The following RBFOX1 variants were observed in gnomAD, a reference collection of about 807,000 sequenced individuals.
The protein encoded by RBFOX1 is RNA binding protein fox-1 homolog 1.
A neutral mutation model predicts 57.7 loss-of-function variants in RBFOX1; 8 were observed. The observed-to-expected ratio is 0.14, with a 90% CI of 0.08 to 0.25. The LOEUF (loss-of-function observed/expected upper bound fraction) is 0.25, where lower values mean the gene tolerates loss of function less well. RBFOX1 is among the 10% of genes least tolerant of loss of function. The pLI is 1.00. For missense variants in RBFOX1, 611 were observed against 548.5 expected, an observed-to-expected ratio of 1.11 and a Z score of -1.14; for synonymous variants, 326 against 222.4, an observed-to-expected ratio of 1.47 and a Z score of -4.15.
At chr16:7,030,666 A>C (rs2042560528) in intron 3 of RBFOX1, among the ~76,000 whole-genome samples, 1 of 152,022 alleles carries the variant, frequency 6.6e-6, no homozygotes, top group Non-Finnish European at 1.5e-5. Context: ...CTTGATCCTT[A>C]CCTTATTTAC....
intron 4 of RBFOX1, among the ~76,000 whole-genome samples, chr16:7,370,067 C>T (rs1596644486): frequency 1.3e-5 from 2 of 152,194 alleles, no homozygotes; most frequent in East Asian, 3.9e-4. Flanking sequence ...TCAAGCTTGG[C>T]ACTATGACTA....
At chr16:6,139,970 G>C (rs758815255) in intron 1 of RBFOX1, among the ~76,000 whole-genome samples, 1 of 152,154 alleles carries the variant, frequency 6.6e-6, no homozygotes, top group Non-Finnish European at 1.5e-5. Context: ...GGAAGGAACT[G>C]CTCCTCTCAA....
In RBFOX1 at chr16:7,630,677, T is replaced by G; in HGVS notation, c.751T>G (p.Ser251Ala). 7 of 1,614,182 alleles carry G rather than the reference T, an allele frequency of 4.3e-6. No individual in the cohort carries two copies. Among genetic ancestry groups the G allele is most frequent in the Non-Finnish European group, 5.9e-6 (7 of 1,180,034 alleles). ...TGCCCCCAGTTCACTTGTATATACT[T>G]CTGCAAGTAAGCCCACTGTCGTGGC... ...YSAPSSLVYT[S>A]AMPGFPYPAA... The change falls in exon 11 of 16, where the codon TCT becomes GCT. Residue 251 changes from serine (S) to alanine (A), a missense_variant. Coordinates refer to ENST00000550418, the MANE Select transcript of RBFOX1 (RefSeq NM_018723.4).
intron 2 of RBFOX1, among the ~76,000 whole-genome samples, chr16:6,441,776 G>A (rs986911385): frequency 2.0e-5 from 3 of 152,104 alleles, no homozygotes; most frequent in African/African-American, 7.2e-5. Flanking sequence ...TATAGCCCAT[G>A]TTTTACGTCT....
chr16:6,738,621 C>T (rs909308915), intron 3 of RBFOX1, among the ~76,000 whole-genome samples: 4 of 152,162 alleles, frequency 2.6e-5, no homozygotes, highest in African/African-American at 9.7e-5. Context: ...GAACTCACCA[C>T]CATCAACCAA....
At chr16:6,555,905 G>C (rs1001756051) in intron 2 of RBFOX1, among the ~76,000 whole-genome samples, 2 of 152,122 alleles carry the variant, frequency 1.3e-5, no homozygotes, top group African/African-American at 4.8e-5. Flanking sequence ...GGCTGCATAA[G>C]GGATGGGGAT....
chr16:6,502,035 T>C (rs1299932018), intron 2 of RBFOX1, among the ~76,000 whole-genome samples: 1 of 152,192 alleles, frequency 6.6e-6, no homozygotes, highest in Non-Finnish European at 1.5e-5. Flanking sequence ...AGGGGGGTCA[T>C]GAGGGTATAA....
intron 3 of RBFOX1, among the ~76,000 whole-genome samples, chr16:6,965,985 G>A (rs1482882634): frequency 6.6e-6 from 1 of 152,066 alleles, no homozygotes; most frequent in Non-Finnish European, 1.5e-5. Context: ...TTTGGAATGG[G>A]GAGTAAATGC....
At chr16:6,825,517 C>A (rs1283886818) in intron 3 of RBFOX1, among the ~76,000 whole-genome samples, 2 of 152,108 alleles carry the variant, frequency 1.3e-5, no homozygotes, top group African/African-American at 2.4e-5. Flanking sequence ...ATGAATCTCA[C>A]TTTTTGAACA....
At chr16:7,405,428 G>A (rs1310207195) in intron 4 of RBFOX1, among the ~76,000 whole-genome samples, 1 of 152,146 alleles carries the variant, frequency 6.6e-6, no homozygotes, top group South Asian at 2.1e-4. Context: ...AACATTGAGC[G>A]GAGCTGAGCT....
intron 4 of RBFOX1, among the ~76,000 whole-genome samples, chr16:7,387,487 G>T (rs745431812): frequency 7.2e-5 from 11 of 152,154 alleles, no homozygotes; most frequent in Non-Finnish European, 1.3e-4. Context: ...TGTCAGGATT[G>T]TATCTCCCTG....
At chr16:6,526,472 A>G in intron 2 of RBFOX1, among the ~76,000 whole-genome samples, 1 of 152,148 alleles carries the variant, frequency 6.6e-6, no homozygotes, top group Non-Finnish European at 1.5e-5. Context: ...TGCTACAGCA[A>G]TACTTGTCTA....
intron 1 of RBFOX1, among the ~76,000 whole-genome samples, chr16:6,112,111 G>C (rs1372162951): frequency 6.6e-6 from 1 of 152,088 alleles, no homozygotes; most frequent in Admixed American, 6.5e-5. Context: ...GCCAATAACT[G>C]GTATATTCCA....
intron 4 of RBFOX1, among the ~76,000 whole-genome samples, chr16:7,196,140 A>G (rs534924937): frequency 2.2e-4 from 33 of 152,218 alleles, no homozygotes; most frequent in Middle Eastern, 3.4e-3. Flanking sequence ...TTTCTAAAGG[A>G]AGTAAAGGAA....
intron 4 of RBFOX1, among the ~76,000 whole-genome samples, chr16:7,245,763 G>A (rs1179803675): frequency 6.6e-6 from 1 of 152,148 alleles, no homozygotes; most frequent in East Asian, 1.9e-4. Flanking sequence ...AAATAACTTC[G>A]GGTTGCCCTT....
chr16:5,584,177 C>G (rs1012004425), intron 2 of RBFOX1, among the ~76,000 whole-genome samples: 1 of 152,304 alleles, frequency 6.6e-6, no homozygotes, highest in Middle Eastern at 3.4e-3. Context: ...TTAGTGTTCT[C>G]CCTTGTGATT....
chr16:5,794,213 G>C (rs1407887550), intron 3 of RBFOX1, among the ~76,000 whole-genome samples: 5 of 152,120 alleles, frequency 3.3e-5, no homozygotes. Context: ...GCATGGAAAC[G>C]TACAGAAAAC....
intron 1 of RBFOX1, among the ~76,000 whole-genome samples, chr16:6,112,110 T>C (rs1389262526): frequency 1.3e-5 from 2 of 152,132 alleles, no homozygotes; most frequent in Non-Finnish European, 2.9e-5. Flanking sequence ...AGCCAATAAC[T>C]GGTATATTCC....
At chr16:7,497,970 A>G (rs539955898) in intron 4 of RBFOX1, among the ~76,000 whole-genome samples, 2 of 152,344 alleles carry the variant, frequency 1.3e-5, no homozygotes, top group Admixed American at 6.5e-5. Flanking sequence ...CAGAGTAAAA[A>G]CAAGCTTTTA....
Sources: gnomAD v4.1 joint callset for allele counts (sites outside exome capture counted in the v4.1 genomes callset) on GRCh38, gnomAD v4.1.1 for gene constraint, MANE v1.5 for transcripts, NCBI Gene and HGNC (gene_info 2026-07-23, HGNC 2026-07-21) for gene names.